Variants in SRGAP2 observed in about 807,000 individuals in gnomAD.
SRGAP2 encodes SLIT-ROBO Rho GTPase-activating protein 2.
Under a neutral mutation model 57.2 loss-of-function variants are expected in SRGAP2, and 15 were observed. The observed-to-expected ratio is 0.26, with a 90% CI of 0.18 to 0.40. SRGAP2 has a LOEUF of 0.40. Ranked by LOEUF, SRGAP2 falls within the 10% of genes least tolerant of loss-of-function variation. The pLI is 1.00. For synonymous variants in SRGAP2, 249 were observed against 248.0 expected (o/e 1.00, Z -0.04); for missense variants, 520 against 669.6 (o/e 0.78, Z 2.47).
chr1:206,243,232 CA>C (rs2102558015), intron 2 of SRGAP2, among the ~76,000 whole-genome samples: 1 of 126,306 alleles, frequency 7.9e-6, no homozygotes, highest in South Asian at 3.0e-4. Flanking sequence ...GCCTGTGGCC[CA>C]GCTACTCCTG....
chr1:206,416,328 AC>A (rs1215696460), intron 11 of SRGAP2, among the ~76,000 whole-genome samples: 2 of 152,208 alleles, frequency 1.3e-5, no homozygotes, highest in African/African-American at 4.8e-5. Flanking sequence ...CTGAGGCAGC[AC>A]TGAGACTGGA....
At chr1:206,448,867 A>G (rs1205285714) in intron 18 of SRGAP2, among the ~76,000 whole-genome samples, 1 of 152,122 alleles carries the variant, frequency 6.6e-6, no homozygotes, top group East Asian at 1.9e-4. Context: ...ACAAAGAGGA[A>G]TCTCCGTTTA....
Position 206,463,539 on chromosome 1 carries a change from T to C in SRGAP2, c.*2119T>C, listed in dbSNP as rs3813981. The C allele has an allele frequency of 0.4, 60,685 of 152,580 alleles. 12,497 individuals carry two copies. The highest frequency in any genetic ancestry group is 0.55 in the Middle Eastern group (163 of 294). The allele number at this position is 152,580 out of a possible 1,614,324, so 9.5% of individuals were successfully genotyped here. A position where few individuals can be genotyped will look rare whatever the true frequency, so the allele number is the denominator to read the frequency against. On this transcript the variant is annotated 3_prime_UTR_variant, in exon 23 of 23. Coordinates refer to ENST00000573034, the MANE Select transcript of SRGAP2 (RefSeq NM_015326.5). Reference sequence around the variant, plus strand: ...CCCTCTAAGAAAGTAAAAGCAAAGCTTTCTTAATGGCAACACTTTGGGCCT... The same window carrying C: ...CCCTCTAAGAAAGTAAAAGCAAAGCCTTCTTAATGGCAACACTTTGGGCCT...
chr1:206,298,583 A>G (rs1671711537), intron 2 of SRGAP2, among the ~76,000 whole-genome samples: 1 of 152,112 alleles, frequency 6.6e-6, no homozygotes, highest in Non-Finnish European at 1.5e-5. Context: ...AAGGTTGAGC[A>G]ACAATCATCA....
chr1:206,343,078 A>G, intron 4 of SRGAP2, 70 bp downstream of exon 4: 1 of 604,132 alleles, frequency 1.7e-6, no homozygotes, highest in Non-Finnish European at 3.0e-6. Flanking sequence ...ATCCTATTAG[A>G]TATTATGTTG....
At chr1:206,427,169 C>T (rs1218608958) in intron 13 of SRGAP2, among the ~76,000 whole-genome samples, 13 of 152,018 alleles carry the variant, frequency 8.6e-5, no homozygotes, top group African/African-American at 3.1e-4. Flanking sequence ...GATCTAGTTT[C>T]ATTCTTCTGC....
intron 3 of SRGAP2, among the ~76,000 whole-genome samples, chr1:206,314,194 G>A (rs1473397631): frequency 6.6e-6 from 1 of 151,198 alleles, no homozygotes; most frequent in African/African-American, 2.4e-5. Context: ...GAGTGCAATG[G>A]CACGATCTCA....
At chr1:206,436,071 AC>A (rs1383976788) in intron 14 of SRGAP2, among the ~76,000 whole-genome samples, 1 of 150,124 alleles carries the variant, frequency 6.7e-6, no homozygotes, top group African/African-American at 2.5e-5. Flanking sequence ...AAACTTTCTT[AC>A]AATATTACGA....
intron 21 of SRGAP2, among the ~76,000 whole-genome samples, chr1:206,457,368 A>G (rs1663926357): frequency 6.6e-6 from 1 of 152,202 alleles, no homozygotes; most frequent in African/African-American, 2.4e-5. Context: ...TAAAGACCCT[A>G]TGGACAGGTA....
intron 2 of SRGAP2, among the ~76,000 whole-genome samples, chr1:206,249,671 A>G (rs1239984018): frequency 6.6e-6 from 1 of 151,352 alleles, no homozygotes; most frequent in African/African-American, 2.4e-5. Context: ...GCAGCAAACC[A>G]CCATGGCACA....
chr1:206,315,194 A>AG, intron 3 of SRGAP2, among the ~76,000 whole-genome samples: 1 of 151,978 alleles, frequency 6.6e-6, no homozygotes, highest in East Asian at 2.0e-4. Context: ...CCAGTCTCAC[A>AG]GGATAGCATT....
intron 3 of SRGAP2, among the ~76,000 whole-genome samples, chr1:206,327,191 G>T (rs1176754230): frequency 6.6e-6 from 1 of 152,126 alleles, no homozygotes; most frequent in East Asian, 1.9e-4. Flanking sequence ...GCCGGGCATG[G>T]TGGCACATGC....
rs1664240640 is a variant in SRGAP2, at chr1:206,461,193, C to T, written c.2989C>T (p.His997Tyr). 1.3e-6 allele frequency: 1 copy of T among 780,660 alleles called. No homozygotes were observed. Among genetic ancestry groups the T allele is most frequent in the Non-Finnish European group, 2.4e-6 (1 of 417,862 alleles). The allele number at this position is 780,660 out of a possible 1,614,324, so 48.4% of individuals were successfully genotyped here. A position where few individuals can be genotyped will look rare whatever the true frequency, so the allele number is the denominator to read the frequency against. ...APTSEPSSPL[H>Y]TQLLKDPEPA... ...CACGTCAGAGCCCTCCAGCCCTCTG[C>T]ACACCCAGCTCCTCAAGGACCCCGA... The change falls in exon 23 of 23, where the codon CAC becomes TAC. Residue 997 changes from histidine (H) to tyrosine (Y), a missense_variant. Physicochemically the swap from His to Tyr is moderately conservative, Grantham distance 83. Transcript: ENST00000573034.
intron 2 of SRGAP2, among the ~76,000 whole-genome samples, chr1:206,238,652 C>T (rs1238588083): frequency 2.9e-4 from 40 of 139,352 alleles, no homozygotes; most frequent in African/African-American, 8.3e-4. Flanking sequence ...GAGAAACTGA[C>T]ACTTACTTTT....
At chr1:206,426,993 G>C (rs1396658758) in intron 13 of SRGAP2, among the ~76,000 whole-genome samples, 2 of 151,852 alleles carry the variant, frequency 1.3e-5, no homozygotes, top group Non-Finnish European at 2.9e-5. Flanking sequence ...GTCTGTTTTT[G>C]CTTTTGTTGC....
intron 2 of SRGAP2, among the ~76,000 whole-genome samples, chr1:206,267,357 T>C (rs1239830150): frequency 6.6e-6 from 1 of 151,700 alleles, no homozygotes; most frequent in East Asian, 1.9e-4. Context: ...TTTGGGTTGC[T>C]ATTCTGAGGT....
intron 2 of SRGAP2, among the ~76,000 whole-genome samples, chr1:206,289,449 A>G (rs1431362335): frequency 1.4e-5 from 2 of 145,348 alleles, no homozygotes; most frequent in African/African-American, 2.5e-5. Flanking sequence ...CTTTTTTTGT[A>G]TTTTTTTTTA....
At chr1:206,310,818 G>T (rs1256668333) in intron 3 of SRGAP2, among the ~76,000 whole-genome samples, 2 of 151,702 alleles carry the variant, frequency 1.3e-5, no homozygotes, top group African/African-American at 2.4e-5. Flanking sequence ...CATAGGAAAG[G>T]CATCTTAGGC....
intron 13 of SRGAP2, among the ~76,000 whole-genome samples, chr1:206,422,870 T>G (rs1407285182): frequency 5.9e-5 from 9 of 152,226 alleles, no homozygotes; most frequent in African/African-American, 1.9e-4. Context: ...AATAAAGACC[T>G]TGTTTTCATT....
Sources: gnomAD v4.1 joint callset for allele counts (sites outside exome capture counted in the v4.1 genomes callset) on GRCh38, gnomAD v4.1.1 for gene constraint, MANE v1.5 for transcripts, NCBI Gene and HGNC (gene_info 2026-07-23, HGNC 2026-07-21) for gene names.